ROBO1: variants seen among roughly 807,000 people sequenced by gnomAD.
The protein encoded by ROBO1 is roundabout homolog 1.
A neutral mutation model predicts 195.9 loss-of-function variants in ROBO1; 149 were observed. The ratio of observed to expected loss-of-function variants is 0.76; its 90% CI spans 0.67 to 0.87. ROBO1 has a LOEUF of 0.87. ROBO1 is among the 40% of genes least tolerant of loss of function. The pLI is 0.00. For synonymous variants in ROBO1, 816 were observed against 733.2 expected, an observed-to-expected ratio of 1.11 and a Z score of -1.82; for missense variants, 1,933 against 2,068.3, an observed-to-expected ratio of 0.93 and a Z score of 1.27.
intron 10 of ROBO1, among the ~76,000 whole-genome samples, chr3:78,672,916 A>AC (rs754613532): frequency 1.3e-5 from 2 of 152,146 alleles, no homozygotes; most frequent in Non-Finnish European, 2.9e-5. Context: ...AAATGTTAGC[A>AC]CCATACAACA....
At chr3:79,435,865 T>G (rs190276241) in intron 2 of ROBO1, among the ~76,000 whole-genome samples, 31 of 152,270 alleles carry the variant, frequency 2.0e-4, no homozygotes, top group Admixed American at 1.8e-3. Context: ...TAAAATAAAC[T>G]TTTTCTACTT....
chr3:78,965,064 C>T lies in ROBO1; in HGVS notation c.173-26137G>A, dbSNP rs192641736. 1.1e-3 allele frequency among the ~76,000 whole-genome samples: 170 copies of T among 151,930 alleles called. 4 individuals carry two copies. Among genetic ancestry groups the T allele is most frequent in the Admixed American group, 3.1e-3 (48 of 15,266 alleles). On this transcript the variant is annotated intron_variant, in intron 3 of 30. Coordinates refer to ENST00000464233, the MANE Select transcript of ROBO1 (RefSeq NM_002941.4). ...AACTCTAAAAATTTTTATAAACCAA[C>T]TTGAGGTTCAATAGATGATATAAAT...
chr3:78,631,189 C>T lies in ROBO1; in HGVS notation c.3598G>A (p.Glu1200Lys), dbSNP rs77618957. The change falls in exon 25 of 31, where the codon GAA becomes AAA. Residue 1200 changes from glutamate (E) to lysine (K), a missense_variant. Glu to Lys is a moderately conservative substitution (Grantham distance 56). Transcript: ENST00000464233. ...PAHPPPHSNS[E>K]EYNISVDESY... is the part of the protein sequence containing the mutation. Reference sequence around the variant, plus strand: ...TCATCTACAGAAATGTTGTACTCTTCGCTATTGCTGTGTGGAGGAGGATGT... The same window carrying T: ...TCATCTACAGAAATGTTGTACTCTTTGCTATTGCTGTGTGGAGGAGGATGT... 2.2e-5 allele frequency: 35 copies of T among 1,612,344 alleles called. No individual in the cohort carries two copies. Among genetic ancestry groups the T allele is most frequent in the Middle Eastern group, 1.7e-4 (1 of 6,054 alleles).
chr3:79,151,689 C>G (rs1057505514), intron 2 of ROBO1, among the ~76,000 whole-genome samples: 4 of 151,812 alleles, frequency 2.6e-5, no homozygotes, highest in African/African-American at 9.7e-5. Context: ...ATCTTTCACA[C>G]CTTTGTCTTA....
At chr3:78,991,955 G>T (rs2077248010) in intron 3 of ROBO1, among the ~76,000 whole-genome samples, 1 of 152,012 alleles carries the variant, frequency 6.6e-6, no homozygotes, top group African/African-American at 2.4e-5. Context: ...AAACCAAAAT[G>T]CTATGAAAAA....
At chr3:79,416,505 G>A (rs2038009399) in intron 2 of ROBO1, among the ~76,000 whole-genome samples, 1 of 151,006 alleles carries the variant, frequency 6.6e-6, no homozygotes, top group African/African-American at 2.4e-5. Flanking sequence ...CCTCTAGGGA[G>A]GCTGATGTGG....
At chr3:79,551,833 C>T (rs1366293704) in intron 2 of ROBO1, among the ~76,000 whole-genome samples, 6 of 151,750 alleles carry the variant, frequency 4.0e-5, no homozygotes, top group Non-Finnish European at 8.8e-5. Context: ...TCTTCAGGCA[C>T]ATAAGGTAGA....
Position 79,086,916 on chromosome 3 carries a change from T to C in ROBO1, c.172+38540A>G, listed in dbSNP as rs537202246. Among the ~76,000 whole-genome samples, 397 of 152,222 alleles carry C rather than the reference T, an allele frequency of 2.6e-3. 2 individuals are homozygous for C. The highest frequency in any genetic ancestry group is 9.3e-3 in the African/African-American group (387 of 41,572). ...CCTTTTATAGGAGCATTTTGGGAAATGGTGTCCTAACATATTTTCTATAGG... is the reference window on the plus strand; with the variant it reads ...CCTTTTATAGGAGCATTTTGGGAAACGGTGTCCTAACATATTTTCTATAGG... On this transcript the variant is annotated intron_variant, in intron 3 of 30. Coordinates refer to ENST00000464233, the MANE Select transcript of ROBO1 (RefSeq NM_002941.4).
At chr3:78,755,575 C>A (rs990912095) in intron 4 of ROBO1, among the ~76,000 whole-genome samples, 1 of 152,052 alleles carries the variant, frequency 6.6e-6, no homozygotes, top group African/African-American at 2.4e-5. Context: ...GATTATGATA[C>A]CAGATTTGAC....
At chr3:79,563,680 T>C (rs1942998992) in intron 2 of ROBO1, among the ~76,000 whole-genome samples, 1 of 152,104 alleles carries the variant, frequency 6.6e-6, no homozygotes, top group African/African-American at 2.4e-5. Context: ...TTTTTGTGTG[T>C]CATAAAGTTG....
intron 21 of ROBO1, among the ~76,000 whole-genome samples, chr3:78,640,140 T>C (rs1309436978): frequency 1.3e-5 from 2 of 152,142 alleles, no homozygotes; most frequent in Admixed American, 1.3e-4. Context: ...ACCTAAAATC[T>C]CGTATCATTT....
chr3:79,487,396 T>C (rs184117290), intron 2 of ROBO1, among the ~76,000 whole-genome samples: 21 of 152,260 alleles, frequency 1.4e-4, no homozygotes, highest in Admixed American at 5.9e-4. Context: ...TGTTTTGTTT[T>C]AGTAGAGACG....
intron 2 of ROBO1, among the ~76,000 whole-genome samples, chr3:79,283,560 G>A (rs2031666985): frequency 6.6e-6 from 1 of 152,138 alleles, no homozygotes; most frequent in Non-Finnish European, 1.5e-5. Context: ...AGATTTTATA[G>A]TTTAAGGAAA....
intron 26 of ROBO1, among the ~76,000 whole-genome samples, chr3:78,619,555 C>T (rs1704326221): frequency 6.6e-6 from 1 of 151,366 alleles, no homozygotes; most frequent in African/African-American, 2.4e-5. Flanking sequence ...CTAGTTTTCC[C>T]TTTTCTCATT....
chr3:78,963,240 G>A (rs1016245310), intron 3 of ROBO1, among the ~76,000 whole-genome samples: 6 of 151,820 alleles, frequency 4.0e-5, no homozygotes, highest in African/African-American at 1.5e-4. Context: ...GAGAGAGCTC[G>A]GAGTCCAAGA....
chr3:78,601,599 C>T (rs1248738905), intron 29 of ROBO1, among the ~76,000 whole-genome samples: 2 of 152,176 alleles, frequency 1.3e-5, no homozygotes, highest in Non-Finnish European at 1.5e-5. Context: ...TAAAATCTCT[C>T]TCTTACTAAA....
chr3:78,697,092 TAGA>T (rs2081317039), intron 8 of ROBO1, among the ~76,000 whole-genome samples: 1 of 151,466 alleles, frequency 6.6e-6, no homozygotes, highest in Non-Finnish European at 1.5e-5. Flanking sequence ...CCATTTAGAA[TAGA>T]AGACTTTCTT....
intron 4 of ROBO1, among the ~76,000 whole-genome samples, chr3:78,890,550 A>T (rs1004835562): frequency 4.6e-5 from 7 of 152,134 alleles, no homozygotes; most frequent in Non-Finnish European, 7.3e-5. Context: ...GCCCAAACTG[A>T]TCAGCACAAA....
At chr3:79,518,894 G>C (rs1941073671) in intron 2 of ROBO1, among the ~76,000 whole-genome samples, 1 of 151,468 alleles carries the variant, frequency 6.6e-6, no homozygotes. Flanking sequence ...TGGCCAAGCT[G>C]GTCTCGAACT....
Sources: gnomAD v4.1 joint callset for allele counts (sites outside exome capture counted in the v4.1 genomes callset) on GRCh38, gnomAD v4.1.1 for gene constraint, MANE v1.5 for transcripts, NCBI Gene and HGNC (gene_info 2026-07-23, HGNC 2026-07-21) for gene names.